Variants in TGFBR3 observed in about 807,000 individuals in gnomAD.
TGFBR3 encodes transforming growth factor beta receptor type 3.
A neutral mutation model predicts 87.9 loss-of-function variants in TGFBR3; 46 were observed. That is an observed-to-expected ratio of 0.52 (90% CI 0.41 to 0.67). TGFBR3 has a LOEUF of 0.67. Among genes scored for constraint, TGFBR3 ranks in the 30% least tolerant of loss-of-function variants. The pLI, the probability that TGFBR3 is intolerant of heterozygous loss-of-function variation, is 0.00. For synonymous variants in TGFBR3, 381 were observed against 391.6 expected (o/e 0.97, Z 0.32); for missense variants, 866 against 1,041.9 (o/e 0.83, Z 2.32).
chr1:91,736,487 A>G (rs1482158908), intron 4 of TGFBR3, among the ~76,000 whole-genome samples: 2 of 150,068 alleles, frequency 1.3e-5, no homozygotes, highest in Admixed American at 1.3e-4. Flanking sequence ...TGTAGTCACG[A>G]TCATTTCTGA....
At chr1:91,887,148 T>C (rs1057432680), upstream of TGFBR3, among the ~76,000 whole-genome samples, 3 of 149,334 alleles carry the variant, frequency 2.0e-5, no homozygotes, top group Non-Finnish European at 4.5e-5. Flanking sequence ...CACAAATGGC[T>C]AACGGCTAAT....
chr1:91,820,480 G>A (rs945886471), intron 2 of TGFBR3, among the ~76,000 whole-genome samples: 8 of 152,048 alleles, frequency 5.3e-5, no homozygotes, highest in African/African-American at 1.4e-4. Flanking sequence ...TCAGGAGATC[G>A]AGACCATCCT....
At chr1:91,854,561 T>C (rs939388570) in intron 2 of TGFBR3, among the ~76,000 whole-genome samples, 17 of 152,062 alleles carry the variant, frequency 1.1e-4, no homozygotes, top group Admixed American at 9.2e-4. Flanking sequence ...AAAAAAATAA[T>C]ATATTTTACA....
At chr1:91,725,917 C>T (rs1672533527) in intron 7 of TGFBR3, among the ~76,000 whole-genome samples, 1 of 152,210 alleles carries the variant, frequency 6.6e-6, no homozygotes, top group Admixed American at 6.5e-5. Context: ...GTACCTTTCC[C>T]TCACAGCACA....
At chr1:91,769,656 T>C (rs932603248) in intron 3 of TGFBR3, among the ~76,000 whole-genome samples, 2 of 152,136 alleles carry the variant, frequency 1.3e-5, no homozygotes, top group South Asian at 4.2e-4. Flanking sequence ...TTTTTTTTTT[T>C]AATACAACAC....
intron 2 of TGFBR3, among the ~76,000 whole-genome samples, chr1:91,842,974 G>A (rs1398204163): frequency 6.6e-6 from 1 of 152,154 alleles, no homozygotes; most frequent in East Asian, 1.9e-4. Flanking sequence ...TTGTACCACT[G>A]TGGTATTTCC....
rs146090917 is a variant in TGFBR3, at chr1:91,892,863, T to C, written c.-114+6774A>G. ...CGTTTTGAGTTGCATCTGTGTGGTA[T>C]TTCATCCAAAAAGTTCACAATACTT... On this transcript the variant is annotated intron_variant, in intron 2 of 17. Transcript: ENST00000370399. Among the ~76,000 whole-genome samples, 1,453 of 152,320 alleles carry C rather than the reference T, an allele frequency of 9.5e-3. 25 individuals are homozygous for C. The highest frequency in any genetic ancestry group is 0.033 in the African/African-American group (1,354 of 41,580).
chr1:91,746,528 T>C (rs1673352878), intron 4 of TGFBR3, among the ~76,000 whole-genome samples: 1 of 152,202 alleles, frequency 6.6e-6, no homozygotes, highest in Non-Finnish European at 1.5e-5. Flanking sequence ...AAATAAAATG[T>C]TGGTATCATT....
At chr1:91,708,076 A>C (rs1571426716) in intron 14 of TGFBR3, among the ~76,000 whole-genome samples, 1 of 152,186 alleles carries the variant, frequency 6.6e-6, no homozygotes, top group East Asian at 1.9e-4. Flanking sequence ...CAGAAGATAC[A>C]GCTTGCTGAA....
At chr1:91,727,021 G>C (rs1672572895) in intron 7 of TGFBR3, among the ~76,000 whole-genome samples, 1 of 152,200 alleles carries the variant, frequency 6.6e-6, no homozygotes, top group Admixed American at 6.5e-5. Context: ...GCTAAGCCTT[G>C]TGCGTACATC....
Position 91,682,055 on chromosome 1 carries a change from A to T in TGFBR3, c.*1684T>A, listed in dbSNP as rs952487089. On this transcript the variant is annotated 3_prime_UTR_variant, in exon 17 of 17. Transcript: ENST00000212355. ...AAAATGTTCCTTATTGAAAAAAAAA[A>T]ATGTTCCTTATTGAATGTGTATATC... 1 of 453,844 alleles carries T rather than the reference A, an allele frequency of 2.2e-6. No individual in the cohort carries two copies. The highest frequency in any genetic ancestry group is 2.0e-5 in the African/African-American group (1 of 49,980). 28.1% of individuals were successfully genotyped at this position (453,844 alleles called of 1,614,324 possible). A position where few individuals can be genotyped will look rare whatever the true frequency, so the allele number is the denominator to read the frequency against.
chr1:91,738,852 T>C (rs932918496), intron 4 of TGFBR3, among the ~76,000 whole-genome samples: 1 of 152,096 alleles, frequency 6.6e-6, no homozygotes, highest in Admixed American at 6.5e-5. Flanking sequence ...CAGAAAAAAT[T>C]CCCTGCCCTT....
intron 3 of TGFBR3, among the ~76,000 whole-genome samples, chr1:91,783,549 G>A (rs1189688688): frequency 1.3e-5 from 2 of 152,110 alleles, no homozygotes; most frequent in Admixed American, 6.5e-5. Flanking sequence ...CCTCATAAAT[G>A]GATTGCTTCT....
At chr1:91,801,041 C>T (rs1237337898) in intron 2 of TGFBR3, 1 of 212,432 alleles carries the variant, frequency 4.7e-6, no homozygotes, top group South Asian at 6.1e-5. Flanking sequence ...CAAGATCGCG[C>T]CATTGCACTC....
At chr1:91,902,271 T>TTGTGTGTGTGTGTGTGTGTGTGTG (rs200355608) in intron 1 of TGFBR3, among the ~76,000 whole-genome samples, 2 of 148,250 alleles carry the variant, frequency 1.3e-5, no homozygotes, top group African/African-American at 5.0e-5. Flanking sequence ...TCCTTTTCTT[T>TTGTGTGTGTGTGTGTGTGTGTGTG]TGTGTGTGTG....
At chr1:91,903,338 CAAAAAAAAAAAA>C (rs58672104) in intron 1 of TGFBR3, among the ~76,000 whole-genome samples, 1,613 of 50,586 alleles carry the variant, frequency 0.032, 36 homozygotes, top group African/African-American at 0.078. Flanking sequence ...GATTCTGCCT[CAAAAAAAAAAAA>C]AAAAAAAAAA....
chr1:91,706,287 A>T (rs1671797317), intron 14 of TGFBR3, among the ~76,000 whole-genome samples: 1 of 152,192 alleles, frequency 6.6e-6, no homozygotes, highest in African/African-American at 2.4e-5. Context: ...GAAGGTCACA[A>T]GATACAGGTC....
intron 14 of TGFBR3, among the ~76,000 whole-genome samples, chr1:91,701,509 A>G (rs1671619491): frequency 6.6e-6 from 1 of 152,210 alleles, no homozygotes; most frequent in Non-Finnish European, 1.5e-5. Flanking sequence ...GTAACAATAA[A>G]GATTTCTTTA....
At chr1:91,787,113 C>T (rs1232008294) in intron 3 of TGFBR3, among the ~76,000 whole-genome samples, 2 of 151,998 alleles carry the variant, frequency 1.3e-5, no homozygotes, top group East Asian at 1.9e-4. Context: ...CCATCCTGGC[C>T]AACATGGTGA....
Sources: allele counts gnomAD v4.1 joint callset (sites outside exome capture counted in the v4.1 genomes callset), GRCh38; gene constraint gnomAD v4.1.1; transcripts MANE v1.5; gene names NCBI Gene and HGNC (gene_info 2026-07-23, HGNC 2026-07-21).